SP100: variants seen among roughly 807,000 people sequenced by gnomAD.
SP100 encodes the protein nuclear autoantigen Sp-100.
In SP100, 84 loss-of-function variants were observed where a neutral mutation model predicts 130.0. That is an observed-to-expected ratio of 0.65 (90% confidence interval 0.54 to 0.77). The LOEUF (loss-of-function observed/expected upper bound fraction) is 0.77, where lower values mean the gene tolerates loss of function less well. SP100 is among the 30% of genes least tolerant of loss of function. SP100 has a pLI of 0.00. For missense variants in SP100, 978 were observed against 1,052.2 expected (o/e 0.93, Z 0.97); for synonymous variants, 331 against 351.7 (o/e 0.94, Z 0.66).
chr2:230,426,196 C>T (rs747920993), intron 2 of SP100, among the ~76,000 whole-genome samples: 4 of 152,054 alleles, frequency 2.6e-5, no homozygotes, highest in Non-Finnish European at 5.9e-5. Context: ...TTTCAAAGAA[C>T]AAGTTCTGAG....
intron 21 of SP100, 57 bp from the exon 22 acceptor site, chr2:230,506,246 G>T: frequency 1.3e-6 from 2 of 1,597,778 alleles, no homozygotes; most frequent in Non-Finnish European, 1.7e-6. Flanking sequence ...AGCATGGGGG[G>T]AGGCCAAGTT....
chr2:230,453,924 T>C (rs917105627), intron 8 of SP100, among the ~76,000 whole-genome samples: 1 of 152,244 alleles, frequency 6.6e-6, no homozygotes, highest in African/African-American at 2.4e-5. Context: ...CATCTGGTCC[T>C]GAACTTTTGT....
intron 19 of SP100, among the ~76,000 whole-genome samples, chr2:230,499,127 G>T (rs1161119078): frequency 6.6e-6 from 1 of 152,112 alleles, no homozygotes; most frequent in Non-Finnish European, 1.5e-5. Context: ...AGTGTCACTG[G>T]CTGGAAGGGT....
chr2:230,527,410 G>C (rs530209810), intron 24 of SP100, among the ~76,000 whole-genome samples: 21 of 152,264 alleles, frequency 1.4e-4, no homozygotes, highest in African/African-American at 5.1e-4. Flanking sequence ...AGCCTTACAA[G>C]AGCTCCTGAA....
intron 2 of SP100, among the ~76,000 whole-genome samples, chr2:230,418,359 C>A (rs1386309639): frequency 1.3e-5 from 2 of 152,170 alleles, no homozygotes; most frequent in African/African-American, 2.4e-5. Context: ...CCTGCAAGCT[C>A]CATAACCTCT....
chr2:230,490,999 C>G (rs1365524702), intron 17 of SP100, among the ~76,000 whole-genome samples: 1 of 152,084 alleles, frequency 6.6e-6, no homozygotes, highest in East Asian at 1.9e-4. Flanking sequence ...CTCTGTATTT[C>G]TTGAATTTGC....
chr2:230,458,369 CT>C (rs1410916573), intron 8 of SP100, among the ~76,000 whole-genome samples: 4 of 152,084 alleles, frequency 2.6e-5, no homozygotes, highest in Non-Finnish European at 5.9e-5. Flanking sequence ...GACCTTCATC[CT>C]CATCATTGAG....
chr2:230,485,299 G>A (rs539693385), intron 17 of SP100, among the ~76,000 whole-genome samples: 2 of 151,974 alleles, frequency 1.3e-5, no homozygotes, highest in East Asian at 3.9e-4. Flanking sequence ...GTCTTCCATA[G>A]CTTCTCATAG....
At chr2:230,486,320 T>C (rs184724752) in intron 17 of SP100, among the ~76,000 whole-genome samples, 43 of 151,936 alleles carry the variant, frequency 2.8e-4, no homozygotes, top group African/African-American at 9.4e-4. Flanking sequence ...ATCCTCTAGG[T>C]TCACTCCCCT....
chr2:230,493,301 T>C (rs1205270494), intron 17 of SP100, among the ~76,000 whole-genome samples: 1 of 152,220 alleles, frequency 6.6e-6, no homozygotes, highest in East Asian at 1.9e-4. Context: ...CACTGCAACC[T>C]CCACCTCCCA....
chr2:230,448,966 T>G, intron 5 of SP100, 122 bp from the exon 6 acceptor site: 1 of 720,958 alleles, frequency 1.4e-6, no homozygotes. Context: ...CAGGTGGCCT[T>G]TGCATTGAGA....
chr2:230,519,082 A>G (rs950990752), intron 24 of SP100, among the ~76,000 whole-genome samples: 2 of 152,234 alleles, frequency 1.3e-5, no homozygotes, highest in African/African-American at 2.4e-5. Flanking sequence ...TCTGTCCTAC[A>G]TGACTGAAGC....
chr2:230,522,235 G>A (rs1164973539), intron 24 of SP100, among the ~76,000 whole-genome samples: 1 of 150,474 alleles, frequency 6.6e-6, no homozygotes, highest in Admixed American at 6.6e-5. Context: ...GCAGCAGATG[G>A]ATCATTGTGT....
intron 2 of SP100, among the ~76,000 whole-genome samples, chr2:230,430,554 C>T (rs956953250): frequency 1.3e-5 from 2 of 152,208 alleles, no homozygotes; most frequent in African/African-American, 2.4e-5. Context: ...AAGCTGGGCT[C>T]ATCAGGAAGG....
chr2:230,473,002 T>C (rs551519375), intron 15 of SP100: 124 of 192,452 alleles, frequency 6.4e-4, no homozygotes, highest in African/African-American at 2.8e-3. Flanking sequence ...ACCACTTGGA[T>C]GTTACTCAAG....
chr2:230,446,777 CCTGTAGATCT>C (rs756566249), intron 4 of SP100, 32 bp from the exon 5 acceptor site: 6 of 1,230,348 alleles, frequency 4.9e-6, no homozygotes, highest in Admixed American at 3.6e-5. Context: ...GTCCCTGGTC[CCTGTAGATCT>C]CTAATTGCTT....
At chr2:230,517,457 T>A (rs1487209926) in intron 24 of SP100, among the ~76,000 whole-genome samples, 1 of 152,126 alleles carries the variant, frequency 6.6e-6, no homozygotes, top group African/African-American at 2.4e-5. Flanking sequence ...ATACAGGAAT[T>A]ATCTCAATAA....
intron 28 of SP100, among the ~76,000 whole-genome samples, 160 bp downstream of exon 28, chr2:230,542,195 G>T (rs770848496): frequency 1.3e-5 from 2 of 152,148 alleles, no homozygotes; most frequent in Non-Finnish European, 2.9e-5. Context: ...GCCCTGTAGT[G>T]CATGTGGAGA....
intron 19 of SP100, among the ~76,000 whole-genome samples, chr2:230,502,032 C>CTT (rs34173215): frequency 5.1e-4 from 69 of 135,984 alleles, no homozygotes; most frequent in African/African-American, 1.5e-3. Context: ...CCACACCCAG[C>CTT]TTTTTTTTTT....
Sources: gnomAD v4.1 joint callset for allele counts (sites outside exome capture counted in the v4.1 genomes callset) on GRCh38, gnomAD v4.1.1 for gene constraint, MANE v1.5 for transcripts, NCBI Gene and HGNC (gene_info 2026-07-23, HGNC 2026-07-21) for gene names.